Variants in CCDC102B observed in about 807,000 individuals in gnomAD.
CCDC102B encodes the protein coiled-coil domain-containing protein 102B.
In CCDC102B, 75 loss-of-function variants were observed where a neutral mutation model predicts 57.4. The observed-to-expected ratio is 1.31, with a 90% CI of 1.08 to 1.58. The LOEUF is 1.58. Among genes scored for constraint, CCDC102B ranks in the 40% most tolerant of loss-of-function variants. The probability of loss-of-function intolerance (pLI) is 0.00; values close to 1 mark genes in which losing one functional copy is unlikely to be tolerated. For synonymous variants in CCDC102B, 206 were observed against 201.9 expected, an observed-to-expected ratio of 1.02 and a Z score of -0.17; for missense variants, 636 against 582.6, an observed-to-expected ratio of 1.09 and a Z score of -0.94.
At chr18:68,742,525 G>A (rs1049795274) in intron 2 of CCDC102B, among the ~76,000 whole-genome samples, 1 of 152,198 alleles carries the variant, frequency 6.6e-6, no homozygotes, top group African/African-American at 2.4e-5. Context: ...TTTGACAGAA[G>A]TGATTAATGT....
chr18:68,770,140 C>A (rs117061187), intron 2 of CCDC102B, among the ~76,000 whole-genome samples: 2,033 of 152,266 alleles, frequency 0.013, 18 homozygotes, highest in Middle Eastern at 0.031. Context: ...TATAGTGGCT[C>A]CTCTGCATAC....
At chr18:68,807,592 G>A (rs1040796628) in intron 1 of CCDC102B, among the ~76,000 whole-genome samples, 1 of 152,048 alleles carries the variant, frequency 6.6e-6, no homozygotes, top group African/African-American at 2.4e-5. Flanking sequence ...CTTGCACATG[G>A]CGTCCATTTT....
intron 5 of CCDC102B, among the ~76,000 whole-genome samples, chr18:68,883,881 A>G (rs1018277022): frequency 6.6e-6 from 1 of 152,330 alleles, no homozygotes; most frequent in South Asian, 2.1e-4. Context: ...CTGTTTGTAC[A>G]CTAAACATCC....
At position 69,054,352 on chromosome 18, in the gene CCDC102B, C is replaced by A; in HGVS notation, c.*215C>A. On this transcript the variant is annotated 3_prime_UTR_variant, in exon 8 of 8. Coordinates refer to ENST00000360242, the MANE Select transcript of CCDC102B (RefSeq NM_024781.3). Reference sequence around the variant, plus strand: ...AGACAATTTAAATGTCATTTAAAAACAACTTTAATTCTAAGATGTGTAAAT... The same window carrying A: ...AGACAATTTAAATGTCATTTAAAAAAAACTTTAATTCTAAGATGTGTAAAT... The A allele has an allele frequency of 8.4e-7, 1 of 1,196,940 alleles. No individual in the cohort carries two copies. Among genetic ancestry groups the A allele is most frequent in the Non-Finnish European group, 1.0e-6 (1 of 964,838 alleles). The allele number at this position is 1,196,940 out of a possible 1,614,324, so 74.1% of individuals were successfully genotyped here.
At chr18:68,816,022 T>G (rs1057447072) in intron 1 of CCDC102B, among the ~76,000 whole-genome samples, 1 of 152,254 alleles carries the variant, frequency 6.6e-6, no homozygotes, top group Non-Finnish European at 1.5e-5. Flanking sequence ...GCTTTCCAAA[T>G]TTTATTAATT....
intron 6 of CCDC102B, among the ~76,000 whole-genome samples, chr18:68,978,453 A>G (rs2050495156): frequency 6.6e-6 from 1 of 152,062 alleles, no homozygotes; most frequent in Non-Finnish European, 1.5e-5. Flanking sequence ...GAAAGAATGG[A>G]GAATAAAAGT....
intron 6 of CCDC102B, among the ~76,000 whole-genome samples, chr18:68,907,537 T>C (rs762222816): frequency 2.4e-4 from 37 of 152,236 alleles, no homozygotes; most frequent in Non-Finnish European, 4.6e-4. Flanking sequence ...CCTATGTATT[T>C]CGTTCTTTCA....
At chr18:68,718,515 G>C (rs564053766) in intron 2 of CCDC102B, among the ~76,000 whole-genome samples, 1 of 152,146 alleles carries the variant, frequency 6.6e-6, no homozygotes, top group Non-Finnish European at 1.5e-5. Context: ...TTCTTGATCT[G>C]GGTGCTGCTT....
At chr18:68,800,892 T>C (rs2035825479) in intron 1 of CCDC102B, among the ~76,000 whole-genome samples, 1 of 152,164 alleles carries the variant, frequency 6.6e-6, no homozygotes, top group Non-Finnish European at 1.5e-5. Flanking sequence ...CCTTCATATA[T>C]CCAAACCTTA....
intron 1 of CCDC102B, among the ~76,000 whole-genome samples, chr18:68,832,202 T>C (rs1338416788): frequency 1.3e-5 from 2 of 152,230 alleles, no homozygotes; most frequent in Non-Finnish European, 2.9e-5. Flanking sequence ...ATGTCTCTTT[T>C]ATCCTGCCAT....
chr18:68,744,657 T>C (rs965746134), intron 2 of CCDC102B, among the ~76,000 whole-genome samples: 2 of 152,076 alleles, frequency 1.3e-5, no homozygotes, highest in African/African-American at 4.8e-5. Flanking sequence ...GTAGGACCAA[T>C]CACCAGCCAT....
At chr18:68,917,112 T>C (rs2145094956) in intron 6 of CCDC102B, among the ~76,000 whole-genome samples, 1 of 152,362 alleles carries the variant, frequency 6.6e-6, no homozygotes, top group Admixed American at 6.5e-5. Context: ...AGCTTTGTGC[T>C]CTTTTGTTTG....
intron 6 of CCDC102B, among the ~76,000 whole-genome samples, chr18:68,965,436 C>A (rs967119077): frequency 1.3e-5 from 2 of 151,030 alleles, no homozygotes; most frequent in African/African-American, 4.9e-5. Flanking sequence ...TTGAGACTTT[C>A]TATTTTTTTC....
At chr18:68,923,537 A>G (rs1020196129) in intron 6 of CCDC102B, among the ~76,000 whole-genome samples, 3 of 152,052 alleles carry the variant, frequency 2.0e-5, no homozygotes, top group African/African-American at 7.2e-5. Flanking sequence ...ATGACATCAT[A>G]AAAAGTTAGC....
intron 6 of CCDC102B, among the ~76,000 whole-genome samples, chr18:68,907,087 TG>T (rs2040677425): frequency 6.6e-6 from 1 of 152,218 alleles, no homozygotes; most frequent in South Asian, 2.1e-4. Flanking sequence ...TGGATTGTCT[TG>T]GCATACTCAT....
At chr18:68,907,539 G>A (rs573111708) in intron 6 of CCDC102B, among the ~76,000 whole-genome samples, 5 of 152,088 alleles carry the variant, frequency 3.3e-5, no homozygotes, top group Admixed American at 6.5e-5. Context: ...TATGTATTTC[G>A]TTCTTTCAGG....
intron 2 of CCDC102B, among the ~76,000 whole-genome samples, chr18:68,765,378 A>AAAGAAAAG (rs1568239061): frequency 7.5e-6 from 1 of 132,500 alleles, no homozygotes; most frequent in Non-Finnish European, 1.7e-5. Flanking sequence ...AGAAAGAAAG[A>AAAGAAAAG]AAAGAAAGAA....
chr18:68,800,976 A>T (rs1425025167), intron 1 of CCDC102B, among the ~76,000 whole-genome samples: 2 of 152,152 alleles, frequency 1.3e-5, no homozygotes, highest in African/African-American at 4.8e-5. Flanking sequence ...TTTTTCAATG[A>T]AATAAAAATT....
intron 6 of CCDC102B, among the ~76,000 whole-genome samples, chr18:69,001,917 C>T (rs1400192839): frequency 6.6e-6 from 1 of 152,120 alleles, no homozygotes; most frequent in Non-Finnish European, 1.5e-5. Context: ...CATATATTTT[C>T]CCCCTGTTAT....
Sources: gnomAD v4.1 joint callset for allele counts (sites outside exome capture counted in the v4.1 genomes callset) on GRCh38, gnomAD v4.1.1 for gene constraint, MANE v1.5 for transcripts, NCBI Gene and HGNC (gene_info 2026-07-23, HGNC 2026-07-21) for gene names.